Variants in TNS3 observed in about 807,000 individuals in gnomAD.
The protein encoded by TNS3 is tensin 3.
In TNS3, 45 loss-of-function variants were observed where a neutral mutation model predicts 140.9. The ratio of observed to expected loss-of-function variants is 0.32; its 90% confidence interval spans 0.25 to 0.41. The LOEUF (loss-of-function observed/expected upper bound fraction) is 0.41, where lower values mean the gene tolerates loss of function less well. Ranked by LOEUF, TNS3 falls within the 10% of genes least tolerant of loss-of-function variation. TNS3 has a pLI of 1.00. For missense variants in TNS3, 1,716 were observed against 1,906.7 expected, an observed-to-expected ratio of 0.90 and a Z score of 1.86; for synonymous variants, 815 against 788.4, an observed-to-expected ratio of 1.03 and a Z score of -0.56.
chr7:47,336,533 G>C lies in TNS3; in HGVS notation c.2650+8222C>G, dbSNP rs1358594797. Among the ~76,000 whole-genome samples, 4 of 152,136 alleles carry C rather than the reference G, an allele frequency of 2.6e-5. No individual in the cohort carries two copies. In the East Asian group the frequency reaches 7.7e-4, roughly 29 times the overall value. On this transcript the variant is annotated intron_variant, in intron 20 of 30. Coordinates refer to ENST00000311160, the MANE Select transcript of TNS3 (RefSeq NM_022748.12). ...TTGCTTTTTGTGTATTCTGTTTATT[G>C]TTTATTGAAGAATCGCTTGTTTGTG...
chr7:47,540,243 T>C (rs1469436055), intron 1 of TNS3, among the ~76,000 whole-genome samples: 1 of 152,082 alleles, frequency 6.6e-6, no homozygotes, highest in African/African-American at 2.4e-5. Flanking sequence ...AACAAGGTTC[T>C]TCCCAGGAAC....
chr7:47,546,031 C>A (rs1799910815), intron 1 of TNS3, among the ~76,000 whole-genome samples: 1 of 152,214 alleles, frequency 6.6e-6, no homozygotes, highest in South Asian at 2.1e-4. Flanking sequence ...GCCATGAGAT[C>A]TGGGGATAGA....
rs1354697016 is a variant in TNS3, at chr7:47,276,265, T to C, written c.*1811A>G. The C allele has an allele frequency of 5.4e-6, 1 of 185,482 alleles. No homozygotes were observed. Among genetic ancestry groups the C allele is most frequent in the African/African-American group, 2.4e-5 (1 of 42,188 alleles). 11.5% of individuals were successfully genotyped at this position (185,482 alleles called of 1,614,324 possible). A position where few individuals can be genotyped will look rare whatever the true frequency, so the allele number is the denominator to read the frequency against. On this transcript the variant is annotated 3_prime_UTR_variant, in exon 31 of 31. Coordinates refer to ENST00000311160, the MANE Select transcript of TNS3 (RefSeq NM_022748.12). ...TGAGGCACTTGGTTTGGTGCATCAA[T>C]AGGAGCTAAAAAGTGGAATGGTCCA...
At chr7:47,437,201 G>A in intron 7 of TNS3, 62 bp downstream of exon 7, 1 of 1,166,254 alleles carries the variant, frequency 8.6e-7, no homozygotes, top group Non-Finnish European at 1.2e-6. Flanking sequence ...AATTATTTTT[G>A]CACAAAATAA....
intron 20 of TNS3, among the ~76,000 whole-genome samples, chr7:47,315,767 T>G (rs114783570): frequency 0.02 from 3,097 of 152,260 alleles, 110 homozygotes; most frequent in African/African-American, 0.071. Context: ...CATAACTTAC[T>G]TAGCAAAAAA....
At position 47,452,869 on chromosome 7, in the gene TNS3, GGACA is replaced by G. The variant is rs1453010152; in HGVS notation, c.-75-10818_-75-10815del. On this transcript the variant is annotated intron_variant, in intron 4 of 30. Transcript: ENST00000311160. ...GGAGGCCACAGAGGAGGGTGGCCAG[GGACA>G]GACAAAGTGCCCAGTGCCAGCCCAG... The G allele has an allele frequency of 5.1e-6, 5 of 971,094 alleles. No homozygotes were observed. The East Asian group carries it at 4.6e-4, about 89-fold the overall frequency. The allele number at this position is 971,094 out of a possible 1,614,324, so 60.2% of individuals were successfully genotyped here.
intron 23 of TNS3, among the ~76,000 whole-genome samples, chr7:47,299,881 G>T (rs549086362): frequency 5.3e-5 from 8 of 152,340 alleles, no homozygotes; most frequent in Non-Finnish European, 1.2e-4. Flanking sequence ...AGGGATGAGG[G>T]GAGGGGAGGC....
chr7:47,472,538 A>T (rs78091211), intron 4 of TNS3, among the ~76,000 whole-genome samples: 10,805 of 152,044 alleles, frequency 0.071, 425 homozygotes, highest in African/African-American at 0.084. Flanking sequence ...TGCACAGAAA[A>T]CTGAGAGCAG....
intron 15 of TNS3, among the ~76,000 whole-genome samples, chr7:47,399,140 A>G (rs1470850327): frequency 3.3e-5 from 5 of 151,428 alleles, no homozygotes; most frequent in Admixed American, 6.6e-5. Context: ...GATCCATACG[A>G]GGAGAACTAC....
chr7:47,299,651 G>A (rs1290509410), intron 23 of TNS3, among the ~76,000 whole-genome samples: 2 of 152,216 alleles, frequency 1.3e-5, no homozygotes, highest in African/African-American at 4.8e-5. Flanking sequence ...CCCATGCCAG[G>A]AGGGAAGCCC....
chr7:47,413,407 A>G (rs200168875), intron 12 of TNS3, among the ~76,000 whole-genome samples: 15 of 150,506 alleles, frequency 1.0e-4, no homozygotes, highest in Middle Eastern at 3.4e-3. Flanking sequence ...CACGACCCCA[A>G]GACTGGCTAA....
At chr7:47,344,532 A>C (rs528449015) in intron 20 of TNS3, among the ~76,000 whole-genome samples, 7 of 152,318 alleles carry the variant, frequency 4.6e-5, no homozygotes, top group Non-Finnish European at 7.4e-5. Context: ...AGGGTTCCCC[A>C]CAGGATGCCA....
intron 16 of TNS3, among the ~76,000 whole-genome samples, chr7:47,373,039 C>G (rs192716368): frequency 1.3e-5 from 2 of 152,168 alleles, no homozygotes; most frequent in African/African-American, 4.8e-5. Context: ...CCTACACCTC[C>G]GTGGTCTTCA....
chr7:47,284,906 G>T (rs549245021), intron 27 of TNS3, among the ~76,000 whole-genome samples: 1 of 152,392 alleles, frequency 6.6e-6, no homozygotes, highest in East Asian at 1.9e-4. Context: ...GGGGTAGGCA[G>T]CCCTGGGAAG....
At chr7:47,409,407 T>G (rs1015408081) in intron 13 of TNS3, among the ~76,000 whole-genome samples, 2 of 151,646 alleles carry the variant, frequency 1.3e-5, no homozygotes, top group African/African-American at 4.8e-5. Context: ...CCCATGCTCT[T>G]GGTGGGCGGT....
At chr7:47,291,484 T>G (rs1785697117) in intron 27 of TNS3, among the ~76,000 whole-genome samples, 1 of 139,066 alleles carries the variant, frequency 7.2e-6, no homozygotes, top group Non-Finnish European at 1.5e-5. Context: ...CTGTCACTGC[T>G]CTAAAAAAGA....
Position 47,557,398 on chromosome 7 carries a change from C to T in TNS3, c.-265+24653G>A, listed in dbSNP as rs528631864. Reference sequence around the variant, plus strand: ...TCTGTCCCAACACTACTATTTAACCCAACCCTCACCCATCTAGGGGGTGCT... The same window carrying T: ...TCTGTCCCAACACTACTATTTAACCTAACCCTCACCCATCTAGGGGGTGCT... On this transcript the variant is annotated intron_variant, in intron 1 of 30. Coordinates refer to ENST00000311160, the MANE Select transcript of TNS3 (RefSeq NM_022748.12). 2.6e-5 allele frequency among the ~76,000 whole-genome samples: 4 copies of T among 152,308 alleles called. No individual in the cohort carries two copies. In the South Asian group the frequency reaches 8.3e-4, roughly 32 times the overall value.
intron 17 of TNS3, among the ~76,000 whole-genome samples, chr7:47,356,397 AT>A (rs1339061226): frequency 6.6e-6 from 1 of 152,168 alleles, no homozygotes. Flanking sequence ...GCACTGCATT[AT>A]TTGGGGAGCA....
At chr7:47,532,136 C>T (rs1048931924) in intron 1 of TNS3, among the ~76,000 whole-genome samples, 3 of 152,136 alleles carry the variant, frequency 2.0e-5, no homozygotes, top group South Asian at 2.1e-4. Flanking sequence ...CCTCTCCCGG[C>T]CCCCCACCTC....
Sources: allele counts gnomAD v4.1 joint callset (sites outside exome capture counted in the v4.1 genomes callset), GRCh38; gene constraint gnomAD v4.1.1; transcripts MANE v1.5; gene names NCBI Gene and HGNC (gene_info 2026-07-23, HGNC 2026-07-21).